FSTL5: variants seen among roughly 807,000 people sequenced by gnomAD.
The protein encoded by FSTL5 is follistatin like 5.
FSTL5 carries 62 observed loss-of-function variants against 89.1 expected under a neutral mutation model. That is an observed-to-expected ratio of 0.70 (90% CI 0.57 to 0.86). The LOEUF is 0.86. Among genes scored for constraint, FSTL5 ranks in the 40% least tolerant of loss-of-function variants. FSTL5 has a pLI of 0.00. For synonymous variants in FSTL5, 383 were observed against 346.2 expected (o/e 1.11, Z -1.18); for missense variants, 1,057 against 1,001.6 (o/e 1.06, Z -0.75).
At chr4:161,848,877 G>A (rs750936139) in intron 4 of FSTL5, among the ~76,000 whole-genome samples, 105 of 152,200 alleles carry the variant, frequency 6.9e-4, no homozygotes, top group Non-Finnish European at 2.5e-4. Context: ...AAAGTAAGTC[G>A]TATAGGCACT....
intron 6 of FSTL5, among the ~76,000 whole-genome samples, chr4:161,692,638 T>C (rs140474192): frequency 6.8e-4 from 104 of 152,206 alleles, no homozygotes; most frequent in African/African-American, 2.5e-3. Flanking sequence ...GACAACCCTA[T>C]GAGGAGGTAT....
At chr4:161,872,594 T>C (rs1044025511) in intron 4 of FSTL5, among the ~76,000 whole-genome samples, 3 of 152,136 alleles carry the variant, frequency 2.0e-5, no homozygotes, top group Non-Finnish European at 4.4e-5. Flanking sequence ...GGCACTATTT[T>C]TGGCACTTAT....
intron 4 of FSTL5, among the ~76,000 whole-genome samples, chr4:161,834,346 T>A (rs1288743652): frequency 3.9e-5 from 6 of 152,114 alleles, no homozygotes; most frequent in African/African-American, 1.4e-4. Flanking sequence ...GCCAATATCA[T>A]ACTGAATGGG....
rs867927397 is a variant in FSTL5 at position 161,547,765 on chromosome 4, G to A, written c.1016-5072C>T. ...AAATATTTTCTTCAGTATGATAAGG[G>A]TTATCTTAAGCACTTGTAGATGGCA... On this transcript the variant is annotated intron_variant, in intron 8 of 15. Transcript: ENST00000306100. Among the ~76,000 whole-genome samples, 3 of 151,886 alleles carry A rather than the reference G, an allele frequency of 2.0e-5. No individual in the cohort carries two copies. In the South Asian group the frequency reaches 6.2e-4, roughly 32 times the overall value.
chr4:161,935,440 T>C (rs1734405678), intron 3 of FSTL5, among the ~76,000 whole-genome samples: 1 of 152,172 alleles, frequency 6.6e-6, no homozygotes, highest in Admixed American at 6.6e-5. Context: ...CAGTTCCATC[T>C]TCTTACTGAT....
At chr4:162,026,127 C>T (rs919822045) in intron 3 of FSTL5, among the ~76,000 whole-genome samples, 1 of 150,738 alleles carries the variant, frequency 6.6e-6, no homozygotes, top group Non-Finnish European at 1.5e-5. Flanking sequence ...GAAAAAAATG[C>T]AATATTCATA....
chr4:162,000,603 A>C (rs1453394426), intron 3 of FSTL5, among the ~76,000 whole-genome samples: 1 of 150,816 alleles, frequency 6.6e-6, no homozygotes, highest in African/African-American at 2.5e-5. Flanking sequence ...GTCTAAAAAA[A>C]AAAAAAACAA....
intron 6 of FSTL5, among the ~76,000 whole-genome samples, chr4:161,752,280 G>A (rs556506055): frequency 7.9e-5 from 12 of 152,208 alleles, no homozygotes; most frequent in African/African-American, 2.9e-4. Flanking sequence ...TAGATGGAAT[G>A]TTTCCAGCAC....
chr4:161,498,982 C>T (rs1399242252), intron 12 of FSTL5, among the ~76,000 whole-genome samples: 4 of 151,964 alleles, frequency 2.6e-5, no homozygotes, highest in Non-Finnish European at 1.5e-5. Flanking sequence ...GGGTGCATCA[C>T]GAGGTCAGGA....
Position 162,099,391 on chromosome 4 carries a change from A to G in FSTL5, c.126+11880T>C, listed in dbSNP as rs1013972089. ...TTCATAGTTTGTATTGTTAAAAAAG[A>G]ATACAAACACTTTACAATAAAAATG... is the stretch of plus-strand genomic sequence containing the variant. On this transcript the variant is annotated intron_variant, in intron 2 of 15. Coordinates refer to ENST00000306100, the MANE Select transcript of FSTL5 (RefSeq NM_020116.5). Among the ~76,000 whole-genome samples, 6 of 152,214 alleles carry G rather than the reference A, an allele frequency of 3.9e-5. No homozygotes were observed. In the East Asian group the frequency reaches 1.2e-3, roughly 29 times the overall value.
chr4:161,841,094 C>T (rs567890235), intron 4 of FSTL5, among the ~76,000 whole-genome samples: 145 of 152,244 alleles, frequency 9.5e-4, no homozygotes, highest in African/African-American at 3.2e-3. Flanking sequence ...CTTTCTTTAG[C>T]TTTTTCAGGC....
intron 5 of FSTL5, among the ~76,000 whole-genome samples, chr4:161,763,394 G>A (rs1466869816): frequency 1.3e-5 from 2 of 152,164 alleles, no homozygotes; most frequent in African/African-American, 4.8e-5. Context: ...CCCAAGTATA[G>A]AGAGGTATGG....
At chr4:161,666,252 T>C (rs1736888578) in intron 6 of FSTL5, among the ~76,000 whole-genome samples, 1 of 151,998 alleles carries the variant, frequency 6.6e-6, no homozygotes, top group Non-Finnish European at 1.5e-5. Context: ...ATAAAAGACT[T>C]GAAAAAGTGC....
At chr4:161,658,851 T>C (rs1488538711) in intron 6 of FSTL5, among the ~76,000 whole-genome samples, 1 of 152,186 alleles carries the variant, frequency 6.6e-6, no homozygotes, top group Non-Finnish European at 1.5e-5. Context: ...GAGGAGATAA[T>C]GGGACATCTG....
At chr4:161,733,397 T>C (rs1579055403) in intron 6 of FSTL5, among the ~76,000 whole-genome samples, 1 of 152,036 alleles carries the variant, frequency 6.6e-6, no homozygotes, top group Admixed American at 6.6e-5. Flanking sequence ...TTTTCTTTTC[T>C]TTTGTAGATT....
intron 6 of FSTL5, among the ~76,000 whole-genome samples, chr4:161,711,991 G>A (rs575302018): frequency 1.3e-4 from 20 of 152,254 alleles, no homozygotes; most frequent in East Asian, 7.7e-4. Flanking sequence ...GACAAAGGTC[G>A]TCTATGAACA....
intron 8 of FSTL5, among the ~76,000 whole-genome samples, chr4:161,547,537 T>A (rs1732048240): frequency 6.6e-6 from 1 of 151,880 alleles, no homozygotes; most frequent in African/African-American, 2.4e-5. Context: ...TGAAAATAGA[T>A]GAAAAATTCC....
chr4:161,831,521 A>C (rs1000989079), intron 4 of FSTL5, among the ~76,000 whole-genome samples: 1 of 130,140 alleles, frequency 7.7e-6, no homozygotes. Context: ...GTTTTGTTAC[A>C]AAAAAAAGCA....
chr4:161,795,061 T>A (rs965709323), intron 4 of FSTL5, among the ~76,000 whole-genome samples: 1 of 152,002 alleles, frequency 6.6e-6, no homozygotes, highest in Non-Finnish European at 1.5e-5. Flanking sequence ...GGCGCCTATT[T>A]TCTTATTAAA....
Sources: gnomAD v4.1 joint callset for allele counts (sites outside exome capture counted in the v4.1 genomes callset) on GRCh38, gnomAD v4.1.1 for gene constraint, MANE v1.5 for transcripts, NCBI Gene and HGNC (gene_info 2026-07-23, HGNC 2026-07-21) for gene names.